CTTNBP2: variants seen among roughly 807,000 people sequenced by gnomAD.
CTTNBP2 encodes cortactin-binding protein 2.
Under a neutral mutation model 156.9 loss-of-function variants are expected in CTTNBP2, and 108 were observed. That is an observed-to-expected ratio of 0.69 (90% confidence interval 0.59 to 0.81). The LOEUF is 0.81. CTTNBP2 is among the 30% of genes least tolerant of loss of function. The pLI is 0.00. For missense variants in CTTNBP2, 1,924 were observed against 2,035.4 expected (o/e 0.95, Z 1.05); for synonymous variants, 767 against 751.8 (o/e 1.02, Z -0.33).
At chr7:117,839,092 C>T (rs928040281) in intron 2 of CTTNBP2, among the ~76,000 whole-genome samples, 1 of 151,914 alleles carries the variant, frequency 6.6e-6, no homozygotes, top group Non-Finnish European at 1.5e-5. Context: ...CAAGTTAAGG[C>T]CTTCCCCAAC....
At chr7:117,752,798 G>C (rs1427985756) in intron 12 of CTTNBP2, among the ~76,000 whole-genome samples, 3 of 152,048 alleles carry the variant, frequency 2.0e-5, no homozygotes, top group Non-Finnish European at 4.4e-5. Context: ...GAAGACGCTG[G>C]GTAAATTACT....
chr7:117,835,551 T>C (rs1801874209), intron 2 of CTTNBP2, among the ~76,000 whole-genome samples: 1 of 152,242 alleles, frequency 6.6e-6, no homozygotes, highest in Admixed American at 6.5e-5. Flanking sequence ...TCTAGTCACT[T>C]TCCTTTTTCT....
intron 14 of CTTNBP2, among the ~76,000 whole-genome samples, chr7:117,744,701 C>T (rs1369487344): frequency 1.3e-5 from 2 of 148,634 alleles, no homozygotes; most frequent in Non-Finnish European, 3.0e-5. Context: ...GCCTGAGCAA[C>T]ATGGCAAACT....
intron 2 of CTTNBP2, among the ~76,000 whole-genome samples, chr7:117,833,396 C>G (rs932259174): frequency 6.6e-6 from 1 of 152,168 alleles, no homozygotes; most frequent in African/African-American, 2.4e-5. Flanking sequence ...ACAGTCATTT[C>G]TGTGTTTGTG....
At chr7:117,756,461 C>G (rs1442044536) in intron 12 of CTTNBP2, 94 bp downstream of exon 12, 2 of 918,970 alleles carry the variant, frequency 2.2e-6, no homozygotes, top group Non-Finnish European at 3.6e-6. Context: ...GGTGGGGGGG[C>G]TTGCACTCCT....
At chr7:117,833,693 TCTC>T (rs1307505554) in intron 2 of CTTNBP2, among the ~76,000 whole-genome samples, 1 of 152,176 alleles carries the variant, frequency 6.6e-6, no homozygotes, top group African/African-American at 2.4e-5. Context: ...TGCAATTCCA[TCTC>T]CTCTCTGTCC....
At chr7:117,815,936 A>G (rs1029680953) in intron 2 of CTTNBP2, among the ~76,000 whole-genome samples, 2 of 152,112 alleles carry the variant, frequency 1.3e-5, no homozygotes, top group Admixed American at 6.5e-5. Context: ...GACGCATCCA[A>G]CCCACTACAG....
intron 1 of CTTNBP2, chr7:117,871,844 TCACACACACA>T (rs71150640): frequency 2.5e-4 from 78 of 309,474 alleles, no homozygotes; most frequent in Non-Finnish European, 2.8e-4. Context: ...TCCTTCCCCT[TCACACACACA>T]CACACACACA....
In CTTNBP2 at chr7:117,791,878, C is replaced by A. The variant is rs1422594858; in HGVS notation, c.1318G>T (p.Gly440Cys). The part of the protein sequence containing the change: ...SPCANTSLHP[G>C]LNPRIQAARF... ...GCTGCTTGGATTCGTGGGTTTAGAC[C>A]TGGATGCAAAGAGGTGTTGGCACAT... Residue 440 changes from glycine (G) to cysteine (C), a missense_variant, in exon 4 of 23, where the codon GGT (glycine) becomes TGT (cysteine). Physicochemically the swap from Gly to Cys is radical, Grantham distance 159. Transcript: ENST00000160373. 6.2e-7 allele frequency: 1 copy of A among 1,614,128 alleles called. No individual in the cohort carries two copies. Among genetic ancestry groups the A allele is most frequent in the South Asian group, 1.1e-5 (1 of 91,082 alleles).
intron 3 of CTTNBP2, among the ~76,000 whole-genome samples, chr7:117,806,679 G>T (rs886235474): frequency 2.0e-5 from 3 of 151,044 alleles, no homozygotes; most frequent in Admixed American, 2.0e-4. Context: ...AGAATCTAGA[G>T]TTTCAAGAGT....
intron 2 of CTTNBP2, among the ~76,000 whole-genome samples, chr7:117,830,932 G>C (rs934773530): frequency 5.3e-5 from 8 of 151,902 alleles, no homozygotes; most frequent in Non-Finnish European, 1.2e-4. Context: ...AATCCTCTTG[G>C]CTAGAAAAAA....
At chr7:117,721,241 A>G in intron 19 of CTTNBP2, 111 bp from the exon 20 acceptor site, 1 of 711,906 alleles carries the variant, frequency 1.4e-6, no homozygotes, top group Non-Finnish European at 2.4e-6. Flanking sequence ...CTGTTCTTGG[A>G]TTAGTATCCA....
chr7:117,872,873 C>T (rs1043162807), intron 1 of CTTNBP2, among the ~76,000 whole-genome samples: 1 of 152,184 alleles, frequency 6.6e-6, no homozygotes, highest in Admixed American at 6.5e-5. Context: ...GGCCCACCTC[C>T]CCCAAGCTGC....
In CTTNBP2 at chr7:117,792,635, C is replaced by T; in HGVS notation, c.561G>A (p.Glu187=). Residue 187 remains glutamate, a synonymous_variant, in exon 4 of 23, where the codon GAG becomes GAA. Coordinates refer to ENST00000160373, the MANE Select transcript of CTTNBP2 (RefSeq NM_033427.3). The surrounding 1 kb of genome is among the most constrained non-coding windows in gnomAD (Gnocchi z 4.2). ...TTACGTCTTCGAGCTTCTGGGCCTC[C>T]TCTATGACTTTGCCTGAGAGCTGCT... ...ECKQLSGKVI[E]EAQKLEDVMA... is the part of the protein sequence containing the mutation. 1.2e-6 allele frequency: 2 copies of T among 1,614,120 alleles called. No homozygotes were observed. Among genetic ancestry groups the T allele is most frequent in the Non-Finnish European group, 1.7e-6 (2 of 1,180,026 alleles).
In CTTNBP2 at chr7:117,725,111, G is replaced by A. The variant is rs771140172; in HGVS notation, c.4202C>T (p.Ala1401Val). ...TTTATTTAGCAAGATGCTGAGAGCAGCTTTGACCACAGCCTGCTGTCCTTG... is the reference window on the plus strand; with the variant it reads ...TTTATTTAGCAAGATGCTGAGAGCAACTTTGACCACAGCCTGCTGTCCTTG... ...PSQGQQAVVK[A>V]ALSILLNKAV... Residue 1401 changes from alanine (A) to valine (V), a missense_variant, in exon 18 of 23, where the codon GCT becomes GTT. Physicochemically the swap from Ala to Val is moderately conservative, Grantham distance 64. Coordinates refer to ENST00000160373, the MANE Select transcript of CTTNBP2 (RefSeq NM_033427.3). 1 of 1,613,172 alleles carries A rather than the reference G, an allele frequency of 6.2e-7. No homozygotes were observed. Among genetic ancestry groups the A allele is most frequent in the East Asian group, 2.2e-5 (1 of 44,874 alleles).
intron 7 of CTTNBP2, among the ~76,000 whole-genome samples, chr7:117,779,659 G>T (rs1688628064): frequency 6.6e-6 from 1 of 151,126 alleles, no homozygotes. Flanking sequence ...AAAATAGGAA[G>T]TTTTTTTAAG....
chr7:117,772,053 G>A (rs1349724800), intron 8 of CTTNBP2, among the ~76,000 whole-genome samples: 3 of 152,172 alleles, frequency 2.0e-5, no homozygotes, highest in Non-Finnish European at 4.4e-5. Flanking sequence ...GCAGACCAAG[G>A]CCAGATCAGG....
Position 117,760,661 on chromosome 7 carries a change from G to A in CTTNBP2, c.2946C>T (p.Ser982=). 6.2e-7 allele frequency: 1 copy of A among 1,612,162 alleles called. No individual in the cohort carries two copies. Among genetic ancestry groups the A allele is most frequent in the Non-Finnish European group, 8.5e-7 (1 of 1,178,354 alleles). The change falls in exon 10 of 23, where the codon AGC becomes AGT. Residue 982 remains serine, a synonymous_variant. Coordinates refer to ENST00000160373, the MANE Select transcript of CTTNBP2 (RefSeq NM_033427.3). The part of the protein sequence containing the change: ...LRISVGEIEP[S]NYGSDDLECE... ...ATTCCAAGTCATCAGAACCATAGTT[G>A]CTTGGTTCAATCTCACCCACTGAAA...
chr7:117,725,066 G>C lies in CTTNBP2; in HGVS notation c.4247C>G (p.Pro1416Arg), dbSNP rs764553586. ...AACCCACATACCTGCTCTGGGGAGG[G>C]GACAGCCATGCAGTACAGCTTTATT... ...LLNKAVLHGCPLPRAELDQHT... is the reference protein window; with the variant it reads ...LLNKAVLHGCRLPRAELDQHT... Residue 1416 changes from proline to arginine, a missense_variant, in exon 18 of 23, where the codon CCC becomes CGC. Pro to Arg is a moderately radical substitution (Grantham distance 103). Coordinates refer to ENST00000160373, the MANE Select transcript of CTTNBP2 (RefSeq NM_033427.3). 6.2e-7 allele frequency: 1 copy of C among 1,612,390 alleles called. No homozygotes were observed. The highest frequency in any genetic ancestry group is 8.5e-7 in the Non-Finnish European group (1 of 1,179,972).
Sources: gnomAD v4.1 joint callset for allele counts (sites outside exome capture counted in the v4.1 genomes callset) on GRCh38, gnomAD v4.1.1 for gene constraint, Gnocchi (gnomAD v3.1) non-coding constraint, MANE v1.5 for transcripts, NCBI Gene and HGNC (gene_info 2026-07-23, HGNC 2026-07-21) for gene names.